Variants in MBIP observed in about 807,000 individuals in gnomAD.
The protein encoded by MBIP is MAP3K12-binding inhibitory protein 1.
Under a neutral mutation model 45.7 loss-of-function variants are expected in MBIP, and 32 were observed. The observed-to-expected ratio is 0.70, with a 90% CI of 0.53 to 0.94. The LOEUF (loss-of-function observed/expected upper bound fraction) is 0.94. Among genes scored for constraint, MBIP ranks in the 40% least tolerant of loss-of-function variants. MBIP has a pLI of 0.00. For synonymous variants in MBIP, 145 were observed against 141.0 expected, an observed-to-expected ratio of 1.03 and a Z score of -0.20; for missense variants, 381 against 405.5, an observed-to-expected ratio of 0.94 and a Z score of 0.52.
intron 2 of MBIP, among the ~76,000 whole-genome samples, chr14:36,315,552 A>T (rs911008205): frequency 8.5e-5 from 13 of 152,138 alleles, no homozygotes; most frequent in Non-Finnish European, 1.6e-4. Flanking sequence ...CGAACAAGAA[A>T]AAAAAAAGAT....
At chr14:36,310,151 T>G (rs181949261) in intron 6 of MBIP, among the ~76,000 whole-genome samples, 2 of 152,188 alleles carry the variant, frequency 1.3e-5, no homozygotes, top group Admixed American at 6.5e-5. Flanking sequence ...TTTTATACAG[T>G]GGCATTTTAA....
At chr14:36,320,382 G>C in intron 1 of MBIP, 78 bp downstream of exon 1, 2 of 1,599,846 alleles carry the variant, frequency 1.3e-6, no homozygotes, top group Non-Finnish European at 1.7e-6. Context: ...AGCTGCCCCC[G>C]GCCTCTGCTA....
In MBIP at chr14:36,300,771, A is replaced by T. The variant is rs1015245421; in HGVS notation, c.927+14T>A. On this transcript the variant is annotated intron_variant, in intron 8 of 8. Transcript: ENST00000416007. ...AACTATTTCAGAAACCAAAATGAAA[A>T]TGCAGTAACTTACTTGAGGTGGTTG... The T allele has an allele frequency of 6.5e-7, 1 of 1,538,888 alleles. No individual in the cohort carries two copies. Among genetic ancestry groups the T allele is most frequent in the Non-Finnish European group, 8.8e-7 (1 of 1,134,468 alleles).
At chr14:36,319,746 A>T (rs956557212) in intron 1 of MBIP, 1 of 189,418 alleles carries the variant, frequency 5.3e-6, no homozygotes, top group Non-Finnish European at 1.1e-5. Context: ...TTAAAACTTG[A>T]ATTTTACACC....
intron 8 of MBIP, among the ~76,000 whole-genome samples, chr14:36,299,704 C>A (rs562837144): frequency 1.3e-5 from 2 of 152,210 alleles, no homozygotes; most frequent in South Asian, 4.2e-4. Context: ...AGAAAAAAAT[C>A]ATTTGAGACA....
intron 7 of MBIP, among the ~76,000 whole-genome samples, chr14:36,302,123 G>T (rs1479457376): frequency 6.6e-6 from 1 of 152,250 alleles, no homozygotes; most frequent in Non-Finnish European, 1.5e-5. Context: ...GGCAAATAAG[G>T]AATCAATGTT....
At position 36,299,185 on chromosome 14, in the gene MBIP, G is replaced by T. The variant is rs753863204; in HGVS notation, c.933C>A (p.Asn311Lys). 38 of 1,609,628 alleles carry T rather than the reference G, an allele frequency of 2.4e-5. No individual in the cohort carries two copies. The highest frequency in any genetic ancestry group is 3.2e-5 in the Non-Finnish European group (38 of 1,176,160). Residue 311 changes from asparagine to lysine, a missense_variant, in exon 9 of 9, where the codon AAC becomes AAA. Transcript: ENST00000416007. ...KRRKVQPPQQ[N>K]YSLAELDEKI... ...TCTCATCAAGTTCAGCCAGTGAATA[G>T]TTCTGCTGTAAACAATAACGACACA... is the stretch of plus-strand genomic sequence containing the variant.
At chr14:36,301,691 T>C (rs1879564291) in intron 7 of MBIP, among the ~76,000 whole-genome samples, 1 of 152,266 alleles carries the variant, frequency 6.6e-6, no homozygotes, top group Non-Finnish European at 1.5e-5. Context: ...TTACATAATG[T>C]TTAAGCCAGT....
Position 36,320,578 on chromosome 14 carries a change from G to C in MBIP, c.11C>G (p.Ala4Gly). MAA[A>G]TELNRPSSGD... Reference sequence around the variant, plus strand: ...GCTGCTCGGGCGATTAAGCTCCGTGGCAGCAGCCATGATATCTTCTCAGGC... The same window carrying C: ...GCTGCTCGGGCGATTAAGCTCCGTGCCAGCAGCCATGATATCTTCTCAGGC... The change falls in exon 1 of 9, where the codon GCC becomes GGC. Residue 4 changes from alanine to glycine, a missense_variant. Physicochemically the swap from Ala to Gly is moderately conservative, Grantham distance 60 (BLOSUM62 0). Transcript: ENST00000416007. 1 of 1,609,422 alleles carries C rather than the reference G, an allele frequency of 6.2e-7. No homozygotes were observed. Among genetic ancestry groups the C allele is most frequent in the Non-Finnish European group, 8.5e-7 (1 of 1,177,842 alleles).
At chr14:36,299,303 T>C in intron 8 of MBIP, 113 bp from the exon 9 acceptor site, 1 of 692,000 alleles carries the variant, frequency 1.4e-6, no homozygotes, top group Non-Finnish European at 2.5e-6. Context: ...GATCAAATGG[T>C]TTTTTTCCCT....
At chr14:36,318,400 C>A (rs1880699964) in intron 1 of MBIP, among the ~76,000 whole-genome samples, 1 of 151,940 alleles carries the variant, frequency 6.6e-6, no homozygotes, top group South Asian at 2.1e-4. Context: ...CATAATGTCA[C>A]AAATTAATTT....
At position 36,308,545 on chromosome 14, in the gene MBIP, C is replaced by T. The variant is rs988327437; in HGVS notation, c.791-356G>A. Among the ~76,000 whole-genome samples the T allele has an allele frequency of 2.6e-5, 4 of 152,054 alleles. No homozygotes were observed. The East Asian group carries it at 5.8e-4, about 22-fold the overall frequency. On this transcript the variant is annotated intron_variant, in intron 6 of 8. Coordinates refer to ENST00000416007, the MANE Select transcript of MBIP (RefSeq NM_016586.3). ...GACAAAAATGCATAGTGACAAATGA[C>T]GATAATTCAATGCAGTGGTTGCAAT... is the stretch of plus-strand genomic sequence containing the variant.
chr14:36,310,238 TTTC>T (rs1880122280), intron 6 of MBIP, among the ~76,000 whole-genome samples: 3 of 152,200 alleles, frequency 2.0e-5, no homozygotes, highest in Admixed American at 1.3e-4. Flanking sequence ...CTCATTCTGT[TTTC>T]TTCTTCTACC....
chr14:36,308,266 T>C, intron 6 of MBIP, 77 bp from the exon 7 acceptor site: 5 of 732,922 alleles, frequency 6.8e-6, no homozygotes, highest in Non-Finnish European at 6.9e-6. Context: ...TAAAATACCA[T>C]GCAAAGACAC....
In MBIP at chr14:36,314,856, C is replaced by G; in HGVS notation, c.309G>C (p.Glu103Asp). 6.2e-7 allele frequency: 1 copy of G among 1,613,480 alleles called. No homozygotes were observed. The highest frequency in any genetic ancestry group is 8.5e-7 in the Non-Finnish European group (1 of 1,179,650). Residue 103 changes from glutamate to aspartate, a missense_variant, in exon 3 of 9, where the codon GAG (glutamate) becomes GAC (aspartate). Glu to Asp is a conservative substitution (Grantham distance 45). Coordinates refer to ENST00000416007, the MANE Select transcript of MBIP (RefSeq NM_016586.3). Reference sequence around the variant, plus strand: ...TGTTCCCCATTTCTGTTCTTCCTATCTCTTCAACAGCAGTTGTATTCTCCT... The same window carrying G: ...TGTTCCCCATTTCTGTTCTTCCTATGTCTTCAACAGCAGTTGTATTCTCCT... ...IKEENTTAVE[E>D]IGRTEMGNKN...
Position 36,308,855 on chromosome 14 carries a change from C to T in MBIP, c.791-666G>A, listed in dbSNP as rs568065513. ...GGTCTCCCTGTTTCTGCCATGCTTC[C>T]GTAGAGTGTATTTTCAACACAGGAG... is the stretch of plus-strand genomic sequence containing the variant. On this transcript the variant is annotated intron_variant, in intron 6 of 8. Coordinates refer to ENST00000416007, the MANE Select transcript of MBIP (RefSeq NM_016586.3). Among the ~76,000 whole-genome samples, 4 of 152,248 alleles carry T rather than the reference C, an allele frequency of 2.6e-5. No individual in the cohort carries two copies. In the East Asian group the frequency reaches 5.8e-4, roughly 22 times the overall value.
chr14:36,316,530 T>C (rs909199587), intron 2 of MBIP, among the ~76,000 whole-genome samples, 163 bp downstream of exon 2: 5 of 152,194 alleles, frequency 3.3e-5, no homozygotes, highest in African/African-American at 1.2e-4. Context: ...ACTGTCCTGA[T>C]CACTACTGAA....
chr14:36,314,788 T>C lies in MBIP; in HGVS notation c.377A>G (p.Glu126Gly). 1 of 1,613,672 alleles carries C rather than the reference T, an allele frequency of 6.2e-7. No individual in the cohort carries two copies. Among genetic ancestry groups the C allele is most frequent in the Non-Finnish European group, 8.5e-7 (1 of 1,179,758 alleles). ...NDKFSIGDLQ[E>G]EEKHKESDLR... ...ATCACTTTCTTTGTGCTTTTCTTCC[T>C]CTTGTAGGTCGCCAATGGAAAATTT... Residue 126 changes from glutamate to glycine, a missense_variant, in exon 3 of 9, where the codon GAG (glutamate) becomes GGG (glycine). Coordinates refer to ENST00000416007, the MANE Select transcript of MBIP (RefSeq NM_016586.3).
chr14:36,299,358 A>G (rs1290080217), intron 8 of MBIP, among the ~76,000 whole-genome samples, 168 bp from the exon 9 acceptor site: 1 of 152,232 alleles, frequency 6.6e-6, no homozygotes, highest in Middle Eastern at 3.4e-3. Flanking sequence ...TGTTGACTAT[A>G]TCATAAATTT....
Sources: allele counts gnomAD v4.1 joint callset (sites outside exome capture counted in the v4.1 genomes callset), GRCh38; gene constraint gnomAD v4.1.1; transcripts MANE v1.5; gene names NCBI Gene and HGNC (gene_info 2026-07-23, HGNC 2026-07-21).